Variants in CDH1 observed in about 807,000 individuals in gnomAD.
CDH1 encodes the protein cadherin 1.
A neutral mutation model predicts 84.5 loss-of-function variants in CDH1; 35 were observed. The ratio of observed to expected loss-of-function variants is 0.41; its 90% CI spans 0.32 to 0.55. The LOEUF is 0.55. CDH1 is among the 20% of genes least tolerant of loss of function. The pLI is 0.19. For synonymous variants in CDH1, 417 were observed against 439.0 expected (o/e 0.95, Z 0.63); for missense variants, 994 against 1,126.6 (o/e 0.88, Z 1.68).
At chr16:68,804,260 T>C (rs1046882138) in intron 3 of CDH1, among the ~76,000 whole-genome samples, 1 of 151,830 alleles carries the variant, frequency 6.6e-6, no homozygotes, top group African/African-American at 2.4e-5. Flanking sequence ...ACTACAGGCA[T>C]CCGCCACCAC....
intron 2 of CDH1, among the ~76,000 whole-genome samples, chr16:68,751,961 T>C (rs1215926720): frequency 2.7e-5 from 4 of 150,516 alleles, no homozygotes; most frequent in African/African-American, 9.8e-5. Context: ...TATTTTTTTT[T>C]TTTTTTTGAG....
At chr16:68,797,536 C>A (rs75411853) in intron 2 of CDH1, among the ~76,000 whole-genome samples, 2,738 of 152,036 alleles carry the variant, frequency 0.018, 94 homozygotes, top group African/African-American at 0.061. Flanking sequence ...TAAAATTAGC[C>A]AGGCATGGTG....
intron 2 of CDH1, among the ~76,000 whole-genome samples, chr16:68,794,353 CT>C (rs1295182347): frequency 6.6e-6 from 1 of 152,014 alleles, no homozygotes; most frequent in African/African-American, 2.4e-5. Flanking sequence ...TCCATTAGCT[CT>C]TAGTAGCAAA....
rs200905755 is a variant in CDH1, at chr16:68,813,536, C to T, written c.1320+41C>T. On this transcript the variant is annotated intron_variant, in intron 9 of 15. Coordinates refer to ENST00000261769, the MANE Select transcript of CDH1 (RefSeq NM_004360.5). Reference sequence around the variant, plus strand: ...GGCAAGATGCAGAAACTGGCATCCTCACAGCTGTTCATACCCTTGTCCCCT... The same window carrying T: ...GGCAAGATGCAGAAACTGGCATCCTTACAGCTGTTCATACCCTTGTCCCCT... 7.0e-6 allele frequency: 11 copies of T among 1,574,902 alleles called. No individual in the cohort carries two copies. The highest frequency in any genetic ancestry group is 1.3e-5 in the African/African-American group (1 of 74,148).
intron 15 of CDH1, among the ~76,000 whole-genome samples, chr16:68,831,483 A>C (rs908981709): frequency 5.3e-5 from 8 of 151,920 alleles, no homozygotes; most frequent in South Asian, 4.1e-4. Context: ...CACTGGAAAA[A>C]ACAAGAAACA....
At chr16:68,781,613 A>G (rs934644536) in intron 2 of CDH1, among the ~76,000 whole-genome samples, 1 of 152,128 alleles carries the variant, frequency 6.6e-6, no homozygotes, top group Admixed American at 6.5e-5. Flanking sequence ...TGCGGGGATA[A>G]CAGGCATGCA....
At position 68,808,675 on chromosome 16, in the gene CDH1, C is replaced by T. The variant is rs200673941; in HGVS notation, c.532-18C>T. The T allele has an allele frequency of 5.9e-3, 9,574 of 1,614,000 alleles. 47 individuals carry two copies. The highest frequency in any genetic ancestry group is 7.6e-3 in the Non-Finnish European group (8,920 of 1,179,934). Reference sequence around the variant, plus strand: ...GGATCCTTCTTTACTAATTCTTTTTCTTTCATTTTGTCTTCAGATCAAATC... The same window carrying T: ...GGATCCTTCTTTACTAATTCTTTTTTTTTCATTTTGTCTTCAGATCAAATC... On this transcript the variant is annotated intron_variant, in intron 4 of 15. Coordinates refer to ENST00000261769, the MANE Select transcript of CDH1 (RefSeq NM_004360.5).
chr16:68,815,379 A>C (rs1960953505), intron 9 of CDH1, 136 bp from the exon 10 acceptor site: 19 of 1,118,008 alleles, frequency 1.7e-5, no homozygotes, highest in Non-Finnish European at 2.3e-5. Flanking sequence ...CTGCCATTGA[A>C]AGTCATGGCA....
rs975140755 is a variant in CDH1, at chr16:68,745,691, T to A, written c.163+7280T>A. ...TCTGTTCTCCTGCTGCCAAAAACGCTCTGTCCCAGCCCCTGAGATCCTTGT... is the reference window on the plus strand; with the variant it reads ...TCTGTTCTCCTGCTGCCAAAAACGCACTGTCCCAGCCCCTGAGATCCTTGT... On this transcript the variant is annotated intron_variant, in intron 2 of 15. Coordinates refer to ENST00000261769, the MANE Select transcript of CDH1 (RefSeq NM_004360.5). Among the ~76,000 whole-genome samples, 5 of 150,616 alleles carry A rather than the reference T, an allele frequency of 3.3e-5. No individual in the cohort carries two copies. In the Admixed American group the frequency reaches 3.3e-4, roughly 10 times the overall value.
chr16:68,790,253 G>A (rs1033534370), intron 2 of CDH1, among the ~76,000 whole-genome samples: 1 of 152,156 alleles, frequency 6.6e-6, no homozygotes, highest in Non-Finnish European at 1.5e-5. Context: ...CCTGCACGGG[G>A]CATCAGGGAG....
At chr16:68,776,817 G>T (rs962380212) in intron 2 of CDH1, among the ~76,000 whole-genome samples, 1 of 152,204 alleles carries the variant, frequency 6.6e-6, no homozygotes, top group African/African-American at 2.4e-5. Context: ...GATTAGGCTG[G>T]TCACTTTACA....
intron 11 of CDH1, among the ~76,000 whole-genome samples, chr16:68,821,469 CAAAA>C (rs58762668): frequency 4.3e-5 from 4 of 93,060 alleles, no homozygotes; most frequent in Non-Finnish European, 2.4e-5. Flanking sequence ...GACTCTGCCT[CAAAA>C]AAAAAAAAAA....
chr16:68,738,694 A>G (rs962825246), intron 2 of CDH1, among the ~76,000 whole-genome samples: 2 of 152,072 alleles, frequency 1.3e-5, no homozygotes, highest in Non-Finnish European at 2.9e-5. Flanking sequence ...AGCACTGTAG[A>G]GACAGTCTCT....
chr16:68,826,194 A>G (rs556226521), intron 13 of CDH1, among the ~76,000 whole-genome samples: 2 of 152,140 alleles, frequency 1.3e-5, no homozygotes, highest in African/African-American at 4.8e-5. Flanking sequence ...TGCTATGGGT[A>G]TGTATTTTTT....
chr16:68,745,476 G>A (rs1192514154), intron 2 of CDH1, among the ~76,000 whole-genome samples: 2 of 142,918 alleles, frequency 1.4e-5, no homozygotes, highest in Admixed American at 7.3e-5. Context: ...CCGGGAGGTC[G>A]AGGCTGCAGT....
At chr16:68,787,898 T>C (rs999535254) in intron 2 of CDH1, among the ~76,000 whole-genome samples, 2 of 148,324 alleles carry the variant, frequency 1.3e-5, no homozygotes, top group Non-Finnish European at 3.0e-5. Context: ...TGATCTTGGC[T>C]CACCGCAACC....
intron 6 of CDH1, among the ~76,000 whole-genome samples, chr16:68,811,069 C>T (rs536293110): frequency 6.6e-6 from 1 of 151,840 alleles, no homozygotes; most frequent in Non-Finnish European, 1.5e-5. Context: ...AAACAATCCC[C>T]CTTGGTCACA....
At chr16:68,739,273 C>T (rs1278738455) in intron 2 of CDH1, among the ~76,000 whole-genome samples, 4 of 151,834 alleles carry the variant, frequency 2.6e-5, no homozygotes, top group African/African-American at 7.3e-5. Context: ...AAAAATTAGC[C>T]GGGCATGGTG....
At chr16:68,778,167 CT>C (rs1270257733) in intron 2 of CDH1, among the ~76,000 whole-genome samples, 4 of 152,202 alleles carry the variant, frequency 2.6e-5, no homozygotes, top group Non-Finnish European at 5.9e-5. Flanking sequence ...CCTGCCTTAG[CT>C]TCCCAAGTAG....
Sources: allele counts gnomAD v4.1 joint callset (sites outside exome capture counted in the v4.1 genomes callset), GRCh38; gene constraint gnomAD v4.1.1; transcripts MANE v1.5; gene names NCBI Gene and HGNC (gene_info 2026-07-23, HGNC 2026-07-21).